The following AMZ2 variants were observed in gnomAD, a reference collection of about 807,000 sequenced individuals.
AMZ2 encodes the protein archaelysin family metallopeptidase 2.
A neutral mutation model predicts 36.7 loss-of-function variants in AMZ2; 26 were observed. The ratio of observed to expected loss-of-function variants is 0.71; its 90% CI spans 0.52 to 0.98. The LOEUF (loss-of-function observed/expected upper bound fraction) is 0.98, where lower values mean the gene tolerates loss of function less well. AMZ2 is among the 50% of genes least tolerant of loss of function. AMZ2 has a pLI of 0.00. For missense variants in AMZ2, 394 were observed against 430.5 expected (o/e 0.92, Z 0.75); for synonymous variants, 144 against 149.1 (o/e 0.97, Z 0.25).
chr17:68,219,118 C>T (rs1359489443), intron 1 of AMZ2, among the ~76,000 whole-genome samples: 1 of 152,126 alleles, frequency 6.6e-6, no homozygotes, highest in Non-Finnish European at 1.5e-5. Context: ...GCTGGGATTA[C>T]AGGTGCACCT....
In AMZ2 at chr17:68,254,559, TC is replaced by T; in HGVS notation, c.744del (p.Cys249ValfsTer4). On this transcript the variant is annotated frameshift_variant, in exon 5 of 7. Coordinates refer to ENST00000359904, the MANE Select transcript of AMZ2 (RefSeq NM_016627.5). LOFTEE classifies it high-confidence loss of function. The stretch of plus-strand genomic sequence containing the variant: ...AATAACTAGTGTTTTACTACTTCGA[TC>T]CTGTAAGGTAAGTTATTACAAAAAT... ...PEITSVLLLRSCKTLTHEIGH... is the reference protein window; with the variant it reads ...PEITSVLLLRXCKTLTHEIGH... 1 of 1,609,932 alleles carries T rather than the reference TC, an allele frequency of 6.2e-7. No homozygotes were observed. The highest frequency in any genetic ancestry group is 1.7e-5 in the Admixed American group (1 of 59,524).
intron 1 of AMZ2, among the ~76,000 whole-genome samples, chr17:68,215,035 C>A (rs536543387): frequency 1.9e-4 from 29 of 152,302 alleles, no homozygotes; most frequent in African/African-American, 7.0e-4. Flanking sequence ...CTGCCCTCCT[C>A]GGCCTCTCAA....
At position 68,216,960 on chromosome 17, in the gene AMZ2, G is replaced by C. The variant is rs529932007; in HGVS notation, c.-67+10722G>C. Among the ~76,000 whole-genome samples, 116 of 151,970 alleles carry C rather than the reference G, an allele frequency of 7.6e-4. 1 individual carries two copies. Among genetic ancestry groups the C allele is most frequent in the Middle Eastern group, 6.8e-3 (2 of 294 alleles). On this transcript the variant is annotated intron_variant, in intron 1 of 7. Transcript: ENST00000674770. ...AAGCAGGAGAATGGTGTGAACCCGG[G>C]AGGTGGAGCTTGCAGTGAGCCGAGT...
chr17:68,231,390 T>G lies in AMZ2; in HGVS notation c.-66-17250T>G, dbSNP rs189494466. On this transcript the variant is annotated intron_variant, in intron 1 of 7. Coordinates refer to the AMZ2 transcript ENST00000674770. Reference sequence around the variant, plus strand: ...CCAGGGGCTTGTGTTTGACCAGACATCACTCTCTGTGAGTCATCCAGCACT... The same window carrying G: ...CCAGGGGCTTGTGTTTGACCAGACAGCACTCTCTGTGAGTCATCCAGCACT... 2.6e-3 allele frequency among the ~76,000 whole-genome samples: 388 copies of G among 150,526 alleles called. 6 individuals are homozygous for G. The highest frequency in any genetic ancestry group is 9.7e-4 in the Non-Finnish European group (66 of 67,762).
chr17:68,211,732 A>ATATATG (rs1568339868), intron 1 of AMZ2, among the ~76,000 whole-genome samples: 19 of 112,684 alleles, frequency 1.7e-4, no homozygotes, highest in Admixed American at 2.6e-4. Flanking sequence ...ATGTATATGT[A>ATATATG]TATATGTGTA....
At chr17:68,249,800 C>G (rs1313796542) in intron 1 of AMZ2, 2 of 211,846 alleles carry the variant, frequency 9.4e-6, no homozygotes, top group Admixed American at 1.1e-4. Flanking sequence ...ATGTGCACAA[C>G]TATGCCCAGG....
chr17:68,241,018 AAT>A (rs1166423270), intron 1 of AMZ2, among the ~76,000 whole-genome samples: 1 of 152,208 alleles, frequency 6.6e-6, no homozygotes, highest in Non-Finnish European at 1.5e-5. Flanking sequence ...GAAGACACAG[AAT>A]TTAATAATTT....
intron 6 of AMZ2, 58 bp downstream of exon 6, chr17:68,255,934 C>A: frequency 6.5e-7 from 1 of 1,547,196 alleles, no homozygotes; most frequent in Non-Finnish European, 8.8e-7. Context: ...GTAGCAAACC[C>A]ATGTTTCTAT....
At chr17:68,252,448 T>A (rs73349698) in intron 4 of AMZ2, among the ~76,000 whole-genome samples, 38,612 of 152,086 alleles carry the variant, frequency 0.25, 5,089 homozygotes, top group Admixed American at 0.32. Flanking sequence ...TATCATAAGT[T>A]TTCTCTTTTA....
chr17:68,213,578 T>C (rs2073120432), intron 1 of AMZ2, among the ~76,000 whole-genome samples: 1 of 152,236 alleles, frequency 6.6e-6, no homozygotes, highest in Non-Finnish European at 1.5e-5. Flanking sequence ...GAATCTTCGC[T>C]GTCTATGGTG....
At chr17:68,218,194 C>A (rs2073252166) in intron 1 of AMZ2, among the ~76,000 whole-genome samples, 1 of 152,142 alleles carries the variant, frequency 6.6e-6, no homozygotes, top group African/African-American at 2.4e-5. Flanking sequence ...GGTCAGTTTT[C>A]ATTCATTATG....
chr17:68,216,989 C>T (rs1320505897), intron 1 of AMZ2, among the ~76,000 whole-genome samples: 4 of 150,402 alleles, frequency 2.7e-5, no homozygotes, highest in East Asian at 3.9e-4. Flanking sequence ...GCCGAGTTTG[C>T]GCCCCTGCAC....
intron 4 of AMZ2, 76 bp from the exon 5 acceptor site, chr17:68,254,328 C>A: frequency 6.9e-7 from 1 of 1,447,948 alleles, no homozygotes; most frequent in East Asian, 2.3e-5. Context: ...CCAGATGGGC[C>A]AGCAGTCTCT....
rs1483969403 is a variant in AMZ2 at position 68,252,614 on chromosome 17, C to T, written c.586+1436C>T. ...AACCTCCTGGGCTAAAGGGATCATC[C>T]TGCCTCAGCCTCCCGAGTAGCTGGG... On this transcript the variant is annotated intron_variant, in intron 4 of 6. Coordinates refer to ENST00000359904, the MANE Select transcript of AMZ2 (RefSeq NM_016627.5). Among the ~76,000 whole-genome samples, 4 of 152,246 alleles carry T rather than the reference C, an allele frequency of 2.6e-5. No homozygotes were observed. In the South Asian group the frequency reaches 6.2e-4, roughly 24 times the overall value.
intron 1 of AMZ2, among the ~76,000 whole-genome samples, chr17:68,237,134 A>C (rs1465768256): frequency 5.9e-5 from 9 of 152,224 alleles, no homozygotes; most frequent in African/African-American, 1.9e-4. Flanking sequence ...ATTAAAAACA[A>C]CACTGTGATG....
chr17:68,245,690 AACTG>A (rs2073986762), upstream of AMZ2, among the ~76,000 whole-genome samples: 1 of 152,324 alleles, frequency 6.6e-6, no homozygotes, highest in South Asian at 2.1e-4. Flanking sequence ...AATACCAAAA[AACTG>A]ACTGAAAATC....
chr17:68,218,808 C>T (rs2073268982), intron 1 of AMZ2, among the ~76,000 whole-genome samples: 1 of 152,204 alleles, frequency 6.6e-6, no homozygotes, highest in Non-Finnish European at 1.5e-5. Context: ...ACCAGCTGCT[C>T]AAGCTAGAAA....
intron 1 of AMZ2, among the ~76,000 whole-genome samples, chr17:68,242,689 A>T (rs1400586023): frequency 1.3e-5 from 2 of 152,186 alleles, no homozygotes; most frequent in East Asian, 3.9e-4. Flanking sequence ...CTGGGATTAC[A>T]GGCATGAGCC....
intron 1 of AMZ2, among the ~76,000 whole-genome samples, chr17:68,237,468 T>A (rs151114916): frequency 1.3e-5 from 2 of 152,362 alleles, no homozygotes; most frequent in Admixed American, 1.3e-4. Context: ...GACGACGCTC[T>A]CTTTTCAGTT....
Sources: allele counts gnomAD v4.1 joint callset (sites outside exome capture counted in the v4.1 genomes callset), GRCh38; gene constraint gnomAD v4.1.1; transcripts MANE v1.5; gene names NCBI Gene and HGNC (gene_info 2026-07-23, HGNC 2026-07-21).